The following OPCML variants were observed in gnomAD, a reference collection of about 807,000 sequenced individuals.
OPCML encodes the protein opioid-binding protein/cell adhesion molecule.
Under a neutral mutation model 37.8 loss-of-function variants are expected in OPCML, and 13 were observed. That is an observed-to-expected ratio of 0.34 (90% CI 0.22 to 0.55). The LOEUF (loss-of-function observed/expected upper bound fraction) is 0.55. OPCML is among the 20% of genes least tolerant of loss of function. The pLI is 0.91. For missense variants in OPCML, 341 were observed against 435.6 expected (o/e 0.78, Z 1.93); for synonymous variants, 176 against 168.8 (o/e 1.04, Z -0.33).
chr11:133,297,570 A>T (rs181346602), intron 1 of OPCML: 1 of 152,342 alleles, frequency 6.6e-6, no homozygotes, highest in East Asian at 1.9e-4. Context: ...TTCTGTAGCT[A>T]TGTGGTTCAG....
chr11:132,680,184 C>A (rs973654332), intron 2 of OPCML, among the ~76,000 whole-genome samples: 4 of 152,222 alleles, frequency 2.6e-5, no homozygotes, highest in South Asian at 4.2e-4. Flanking sequence ...AATGCACCTG[C>A]CCCTCACCCA....
At chr11:133,189,503 T>G (rs1414558695) in intron 1 of OPCML, among the ~76,000 whole-genome samples, 3 of 152,220 alleles carry the variant, frequency 2.0e-5, no homozygotes, top group Non-Finnish European at 4.4e-5. Flanking sequence ...AAATCTTACC[T>G]GATAAATAAA....
intron 2 of OPCML, among the ~76,000 whole-genome samples, chr11:132,932,680 TTATATATATATTATATATATA>T (rs905241275): frequency 7.8e-6 from 1 of 128,758 alleles, no homozygotes; most frequent in Non-Finnish European, 1.6e-5. Flanking sequence ...GTGAATTCAG[TTATATATATATTATATATATA>T]TATATATATA....
chr11:132,763,165 T>C (rs1946323836), intron 2 of OPCML, among the ~76,000 whole-genome samples: 1 of 152,058 alleles, frequency 6.6e-6, no homozygotes, highest in Admixed American at 6.5e-5. Context: ...CCAGTCCCAA[T>C]GAGATGAACT....
Position 133,252,489 on chromosome 11 carries a change from T to C in OPCML, c.61+279775A>G, listed in dbSNP as rs1353036102. Among the ~76,000 whole-genome samples the C allele has an allele frequency of 2.0e-5, 3 of 152,226 alleles. No individual in the cohort carries two copies. The East Asian group carries it at 5.8e-4, about 29-fold the overall frequency. On this transcript the variant is annotated intron_variant, in intron 1 of 7. Transcript: ENST00000524381. ...CCCATCAGCAACCAAAGTCACCTGA[T>C]CAGGTGCTGCAGTGCTTAGCTGGAG... is the stretch of plus-strand genomic sequence containing the variant.
chr11:132,890,580 C>T (rs775779085), intron 2 of OPCML, among the ~76,000 whole-genome samples: 2 of 151,558 alleles, frequency 1.3e-5, no homozygotes, highest in African/African-American at 4.9e-5. Flanking sequence ...GGCACGGTGG[C>T]TCATGCCTGT....
chr11:132,671,769 G>C (rs1942486312), intron 2 of OPCML, among the ~76,000 whole-genome samples: 1 of 151,822 alleles, frequency 6.6e-6, no homozygotes, highest in Admixed American at 6.6e-5. Context: ...AGGGAAAGTC[G>C]AGTTTCCTTA....
intron 1 of OPCML, among the ~76,000 whole-genome samples, chr11:133,041,381 G>A (rs962176971): frequency 1.3e-4 from 20 of 152,176 alleles, no homozygotes; most frequent in Admixed American, 2.0e-4. Context: ...GACACCTTAT[G>A]GCTGGGAGCT....
chr11:132,977,494 G>T (rs557986672), intron 1 of OPCML, among the ~76,000 whole-genome samples: 2 of 152,346 alleles, frequency 1.3e-5, no homozygotes, highest in Non-Finnish European at 2.9e-5. Context: ...ACAAGAAAAT[G>T]TGTATCACAC....
intron 1 of OPCML, among the ~76,000 whole-genome samples, chr11:133,080,991 G>A (rs1948707928): frequency 6.6e-6 from 1 of 152,068 alleles, no homozygotes; most frequent in Admixed American, 6.5e-5. Context: ...TTACCGCCAG[G>A]CCTTATTAGC....
chr11:132,747,427 C>A (rs535599344), intron 2 of OPCML, among the ~76,000 whole-genome samples: 4 of 152,172 alleles, frequency 2.6e-5, no homozygotes, highest in Non-Finnish European at 2.9e-5. Context: ...GGACCTGGTT[C>A]TGGAAGACCT....
chr11:132,836,807 GA>G (rs1259974309), intron 2 of OPCML, among the ~76,000 whole-genome samples: 1 of 152,150 alleles, frequency 6.6e-6, no homozygotes, highest in Non-Finnish European at 1.5e-5. Flanking sequence ...CTAGACCACG[GA>G]AAAGAGCAGG....
intron 1 of OPCML, among the ~76,000 whole-genome samples, chr11:133,102,429 T>C (rs1406975604): frequency 6.6e-6 from 1 of 152,172 alleles, no homozygotes; most frequent in Non-Finnish European, 1.5e-5. Context: ...AAACATCTAC[T>C]ATTCTGGGAA....
At chr11:133,519,732 A>AT (rs1948360736) in intron 1 of OPCML, among the ~76,000 whole-genome samples, 1 of 152,220 alleles carries the variant, frequency 6.6e-6, no homozygotes, top group Non-Finnish European at 1.5e-5. Flanking sequence ...TGCTTCTGGA[A>AT]TACTGACTGA....
intron 4 of OPCML, among the ~76,000 whole-genome samples, chr11:132,520,933 A>G (rs1389381847): frequency 6.6e-6 from 1 of 152,146 alleles, no homozygotes; most frequent in Admixed American, 6.6e-5. Flanking sequence ...GTCAAATGGT[A>G]TTCCTGGTTC....
intron 1 of OPCML, among the ~76,000 whole-genome samples, chr11:133,141,021 C>CGAA (rs1463775366): frequency 0.01 from 105 of 10,330 alleles, 22 homozygotes; most frequent in African/African-American, 0.021. Flanking sequence ...ACGACGACGA[C>CGAA]GACGACGACG....
chr11:133,033,252 T>C (rs962538566), intron 1 of OPCML, among the ~76,000 whole-genome samples: 2 of 152,188 alleles, frequency 1.3e-5, no homozygotes, highest in African/African-American at 4.8e-5. Flanking sequence ...TTTTGATGAA[T>C]TACCAGCAAG....
intron 1 of OPCML, among the ~76,000 whole-genome samples, chr11:133,079,891 A>G (rs1948683052): frequency 1.3e-5 from 2 of 152,184 alleles, no homozygotes; most frequent in Admixed American, 6.5e-5. Flanking sequence ...GTGCCCGTCC[A>G]AGGGGATGGA....
At chr11:132,670,516 A>G (rs11223172) in intron 2 of OPCML, among the ~76,000 whole-genome samples, 5,818 of 152,248 alleles carry the variant, frequency 0.038, 132 homozygotes, top group Non-Finnish European at 0.056. Flanking sequence ...ACCAAAAAAT[A>G]TACTGAAAAT....
Sources: allele counts gnomAD v4.1 joint callset (sites outside exome capture counted in the v4.1 genomes callset), GRCh38; gene constraint gnomAD v4.1.1; transcripts MANE v1.5; gene names NCBI Gene and HGNC (gene_info 2026-07-23, HGNC 2026-07-21).